Variants in HS6ST3 observed in about 807,000 individuals in gnomAD.
The protein encoded by HS6ST3 is heparan-sulfate 6-O-sulfotransferase 3.
A neutral mutation model predicts 36.7 loss-of-function variants in HS6ST3; 12 were observed. That is an observed-to-expected ratio of 0.33 (90% CI 0.21 to 0.53). The LOEUF (loss-of-function observed/expected upper bound fraction) is 0.53, where lower values mean the gene tolerates loss of function less well. Ranked by LOEUF, HS6ST3 falls within the 20% of genes least tolerant of loss-of-function variation. HS6ST3 has a pLI of 0.95. For synonymous variants in HS6ST3, 240 were observed against 257.5 expected (o/e 0.93, Z 0.65); for missense variants, 584 against 640.9 (o/e 0.91, Z 0.96).
At position 96,091,398 on chromosome 13, in the gene HS6ST3, C is replaced by A. The variant is rs752931338; in HGVS notation, c.536C>A (p.Ala179Glu). 2 of 1,613,636 alleles carry A rather than the reference C, an allele frequency of 1.2e-6. No homozygotes were observed. The highest frequency in any genetic ancestry group is 1.7e-6 in the Non-Finnish European group (2 of 1,179,884). ...IRLEQPCSCK[A>E]GQKKCTCHRP... Reference sequence around the variant, plus strand: ...CTGGAGCAGCCTTGTAGCTGCAAAGCGGGTCAGAAGAAGTGCACCTGCCAC... The same window carrying A: ...CTGGAGCAGCCTTGTAGCTGCAAAGAGGGTCAGAAGAAGTGCACCTGCCAC... Residue 179 changes from alanine to glutamate, a missense_variant, in exon 1 of 2, where the codon GCG becomes GAG. Ala to Glu is a moderately radical substitution (Grantham distance 107). This residue lies in a region of HS6ST3 where 360 missense variants were observed against 411.3 expected (regional missense o/e 0.88). Coordinates refer to ENST00000376705, the MANE Select transcript of HS6ST3 (RefSeq NM_153456.4).
At chr13:96,754,441 C>A (rs1347966719) in intron 1 of HS6ST3, among the ~76,000 whole-genome samples, 6 of 152,064 alleles carry the variant, frequency 3.9e-5, no homozygotes, top group Non-Finnish European at 8.8e-5. Context: ...TATTCAGTGC[C>A]CTTGGAAGAG....
intron 1 of HS6ST3, among the ~76,000 whole-genome samples, chr13:96,160,477 A>T (rs2054130463): frequency 1.3e-5 from 2 of 152,158 alleles, no homozygotes. Context: ...AGGTAAAGAG[A>T]TCCAAGCTGT....
At chr13:96,762,071 CA>C in intron 1 of HS6ST3, among the ~76,000 whole-genome samples, 1 of 152,048 alleles carries the variant, frequency 6.6e-6, no homozygotes, top group African/African-American at 2.4e-5. Flanking sequence ...TATATATACA[CA>C]TATACGTATA....
At chr13:96,758,787 G>C (rs189269656) in intron 1 of HS6ST3, among the ~76,000 whole-genome samples, 124 of 151,762 alleles carry the variant, frequency 8.2e-4, no homozygotes, top group African/African-American at 2.9e-3. Flanking sequence ...ATCAATCTTG[G>C]TGAACTTTTC....
At chr13:96,173,605 T>A (rs951794996) in intron 1 of HS6ST3, among the ~76,000 whole-genome samples, 2 of 151,286 alleles carry the variant, frequency 1.3e-5, no homozygotes, top group Admixed American at 6.6e-5. Flanking sequence ...AAATCATTTC[T>A]TTGAGGACAA....
intron 1 of HS6ST3, among the ~76,000 whole-genome samples, chr13:96,199,997 A>C (rs1273277783): frequency 6.6e-6 from 1 of 152,194 alleles, no homozygotes. Context: ...AAAATGAATT[A>C]CATCCATGTT....
At chr13:96,467,393 G>T (rs2139496091) in intron 1 of HS6ST3, among the ~76,000 whole-genome samples, 1 of 152,288 alleles carries the variant, frequency 6.6e-6, no homozygotes, top group East Asian at 1.9e-4. Context: ...AGAGGAGCAA[G>T]ATCATGCTGC....
chr13:96,173,419 A>G (rs776741027), intron 1 of HS6ST3, among the ~76,000 whole-genome samples: 1 of 152,168 alleles, frequency 6.6e-6, no homozygotes, highest in Non-Finnish European at 1.5e-5. Context: ...GTGTGAATTG[A>G]TATGTCATTG....
intron 1 of HS6ST3, among the ~76,000 whole-genome samples, chr13:96,779,784 AAAC>A (rs914780169): frequency 1.1e-4 from 17 of 151,822 alleles, no homozygotes; most frequent in African/African-American, 3.4e-4. Flanking sequence ...AAAAAAAAAA[AAAC>A]ATTGTTCTTA....
chr13:96,553,687 T>C (rs759622967), intron 1 of HS6ST3, among the ~76,000 whole-genome samples: 2 of 152,242 alleles, frequency 1.3e-5, no homozygotes, highest in African/African-American at 2.4e-5. Context: ...AAGTGTCAGA[T>C]TAATTCCACT....
At chr13:96,748,133 G>A (rs970670607) in intron 1 of HS6ST3, among the ~76,000 whole-genome samples, 1 of 152,036 alleles carries the variant, frequency 6.6e-6, no homozygotes, top group Non-Finnish European at 1.5e-5. Context: ...TGGCATGGAA[G>A]AAACTCATGG....
chr13:96,249,267 G>A (rs2054597402), intron 1 of HS6ST3, among the ~76,000 whole-genome samples: 1 of 152,116 alleles, frequency 6.6e-6, no homozygotes, highest in African/African-American at 2.4e-5. Context: ...TTAACACTGG[G>A]CCCCAGAAAT....
At chr13:96,797,536 C>G (rs1275127522) in intron 1 of HS6ST3, among the ~76,000 whole-genome samples, 1 of 152,078 alleles carries the variant, frequency 6.6e-6, no homozygotes, top group Admixed American at 6.6e-5. Context: ...GGTCTTGGAG[C>G]TCTGAAAACA....
chr13:96,166,575 C>CTTTTT (rs765190619), intron 1 of HS6ST3, among the ~76,000 whole-genome samples: 2,316 of 131,368 alleles, frequency 0.018, 28 homozygotes, highest in East Asian at 0.037. Flanking sequence ...TTCTTTCTTT[C>CTTTTT]TTTTTTTTTT....
At chr13:96,380,071 C>T (rs2055333518) in intron 1 of HS6ST3, among the ~76,000 whole-genome samples, 2 of 152,170 alleles carry the variant, frequency 1.3e-5, no homozygotes, top group South Asian at 2.1e-4. Context: ...AATTTCCTTT[C>T]CACATCCTTG....
At chr13:96,197,108 C>A (rs140546224) in intron 1 of HS6ST3, among the ~76,000 whole-genome samples, 3 of 152,306 alleles carry the variant, frequency 2.0e-5, no homozygotes, top group African/African-American at 4.8e-5. Flanking sequence ...ATAGAAATTT[C>A]TTTAGCTTTT....
At chr13:96,288,060 T>C (rs1252640281) in intron 1 of HS6ST3, among the ~76,000 whole-genome samples, 1 of 152,084 alleles carries the variant, frequency 6.6e-6, no homozygotes, top group East Asian at 1.9e-4. Flanking sequence ...TTGTTAGAAG[T>C]GCAAATTGTT....
chr13:96,736,288 C>G (rs1242014103), intron 1 of HS6ST3, among the ~76,000 whole-genome samples: 1 of 151,982 alleles, frequency 6.6e-6, no homozygotes, highest in African/African-American at 2.4e-5. Context: ...ACAGGATGGG[C>G]AAAGACACCC....
chr13:96,137,238 A>G (rs1394384991), intron 1 of HS6ST3, among the ~76,000 whole-genome samples: 3 of 133,102 alleles, frequency 2.3e-5, no homozygotes, highest in African/African-American at 8.7e-5. Context: ...TGGGCTTCAT[A>G]TGCGTGGAAT....
Sources: gnomAD v4.1 joint callset for allele counts (sites outside exome capture counted in the v4.1 genomes callset) on GRCh38, gnomAD v4.1.1 for gene constraint, gnomAD v4.1.1 regional missense constraint, MANE v1.5 for transcripts, NCBI Gene and HGNC (gene_info 2026-07-23, HGNC 2026-07-21) for gene names.